WDR49: variants seen among roughly 807,000 people sequenced by gnomAD.
WDR49 encodes WD repeat domain 49, also known as cilia- and flagella-associated protein 337.
A neutral mutation model predicts 119.5 loss-of-function variants in WDR49; 107 were observed. The observed-to-expected ratio is 0.90, with a 90% CI of 0.77 to 1.05. The LOEUF is 1.05. Ranked by LOEUF, WDR49 falls within the 50% of genes least tolerant of loss-of-function variation. The probability of loss-of-function intolerance (pLI) is 0.00; values close to 1 mark genes in which losing one functional copy is unlikely to be tolerated. For missense variants in WDR49, 1,240 were observed against 1,220.5 expected, an observed-to-expected ratio of 1.02 and a Z score of -0.24; for synonymous variants, 425 against 418.8, an observed-to-expected ratio of 1.01 and a Z score of -0.18.
At chr3:167,589,086 C>A (rs1234684436) in intron 7 of WDR49, among the ~76,000 whole-genome samples, 2 of 152,070 alleles carry the variant, frequency 1.3e-5, no homozygotes, top group African/African-American at 4.8e-5. Context: ...AGATTTAAAT[C>A]TATAATCAAT....
rs57955643 is a variant in WDR49 at position 167,573,391 on chromosome 3, T to TACACACACACACACAC, written c.1509+2511_1509+2526dup. Among the ~76,000 whole-genome samples, 228 of 142,356 alleles carry TACACACACACACACAC rather than the reference T, an allele frequency of 1.6e-3. 1 individual carries two copies. The highest frequency in any genetic ancestry group is 5.7e-3 in the African/African-American group (222 of 38,862). The allele number at this position is 142,356 out of a possible 152,430, so 93.4% of individuals were successfully genotyped here. On this transcript the variant is annotated intron_variant, in intron 8 of 18. Transcript: ENST00000682715. ...AGAATCCAAATAGCTTTATGTGGAA[T>TACACACACACACACAC]ACACACACACACACACACACACACA...
At chr3:167,517,630 A>G (rs139313166) in intron 16 of WDR49, among the ~76,000 whole-genome samples, 145 of 152,306 alleles carry the variant, frequency 9.5e-4, no homozygotes, top group African/African-American at 3.2e-3. Context: ...TCAAGATGAA[A>G]ACATCAAAAG....
intron 8 of WDR49, among the ~76,000 whole-genome samples, chr3:167,561,527 T>C (rs1022183385): frequency 6.6e-6 from 1 of 152,072 alleles, no homozygotes; most frequent in African/African-American, 2.4e-5. Context: ...ATGTTTCAAG[T>C]TTAGAGGAAT....
rs1455971440 is a variant in WDR49 at position 167,576,008 on chromosome 3, T to C, written c.1419A>G (p.Ala473=). 1 of 1,614,136 alleles carries C rather than the reference T, an allele frequency of 6.2e-7. No homozygotes were observed. Residue 473 remains alanine, a synonymous_variant, in exon 8 of 19, where the codon GCA becomes GCG. Transcript: ENST00000682715. The part of the protein sequence containing the change: ...RLFISFNNQL[A]LLAMKSEASK... ...TGGCTTCACTTTTCATTGCCAACAA[T>C]GCTAGCTGGTTATTAAACGAGATGA...
At position 167,646,055 on chromosome 3, in the gene WDR49, C is replaced by T. The variant is rs371757531; in HGVS notation, c.165+7206G>A. On this transcript the variant is annotated intron_variant, in intron 2 of 18. Transcript: ENST00000682715. ...GAGAGAAATATTCCAAACTGAGGCACCAGCATCTGGTAGGCCCTAAAACAG... is the reference window on the plus strand; with the variant it reads ...GAGAGAAATATTCCAAACTGAGGCATCAGCATCTGGTAGGCCCTAAAACAG... Among the ~76,000 whole-genome samples, 7 of 152,230 alleles carry T rather than the reference C, an allele frequency of 4.6e-5. No individual in the cohort carries two copies. In the South Asian group the frequency reaches 6.2e-4, roughly 14 times the overall value.
In WDR49 at chr3:167,527,867, T is replaced by C. The variant is rs149865236; in HGVS notation, c.2557A>G (p.Ile853Val). ...LIISSSADCS[I>V]CVTGVCNAPV... The stretch of plus-strand genomic sequence containing the variant: ...GCATTGCAGACACCAGTCACACAAA[T>C]ACTGCAGTCTGCAGAGGAGGAGATA... Residue 853 changes from isoleucine to valine, a missense_variant, in exon 15 of 19, where the codon ATT becomes GTT. Transcript: ENST00000682715. 43 of 1,613,054 alleles carry C rather than the reference T, an allele frequency of 2.7e-5. No individual in the cohort carries two copies. In the African/African-American group the frequency reaches 5.2e-4, roughly 20 times the overall value.
intron 18 of WDR49, among the ~76,000 whole-genome samples, chr3:167,494,822 G>T (rs1751287314): frequency 6.6e-6 from 1 of 152,120 alleles, no homozygotes. Flanking sequence ...ACTGTGGATT[G>T]GACTGAAAAT....
chr3:167,624,636 A>G (rs1191361647), intron 3 of WDR49, among the ~76,000 whole-genome samples: 9 of 152,064 alleles, frequency 5.9e-5, no homozygotes, highest in Non-Finnish European at 1.3e-4. Flanking sequence ...ATTTCAATAA[A>G]CCTATTTTAA....
chr3:167,490,764 C>A (rs932356668), intron 18 of WDR49, among the ~76,000 whole-genome samples: 3 of 151,930 alleles, frequency 2.0e-5, no homozygotes, highest in Non-Finnish European at 4.4e-5. Context: ...TATTTTTGCC[C>A]CTCTTTTCAA....
chr3:167,646,603 C>T (rs1196091870), intron 2 of WDR49, among the ~76,000 whole-genome samples: 1 of 152,126 alleles, frequency 6.6e-6, no homozygotes, highest in Non-Finnish European at 1.5e-5. Flanking sequence ...ATGGCTGGTG[C>T]TTGTGAGGAA....
intron 5 of WDR49, among the ~76,000 whole-genome samples, chr3:167,619,975 A>G (rs990730526): frequency 6.6e-6 from 1 of 152,092 alleles, no homozygotes; most frequent in Non-Finnish European, 1.5e-5. Context: ...CATCAAAAAA[A>G]AAAAGAGAAG....
rs546314171 is a variant in WDR49, at chr3:167,573,817, C to T, written c.1509+2101G>A. On this transcript the variant is annotated intron_variant, in intron 8 of 18. Coordinates refer to ENST00000682715, the MANE Select transcript of WDR49 (RefSeq NM_001366157.1). ...TCAATATGCTCCTAAGATCCCTTTA[C>T]TGCTTTAACTCCCACGATGTCTGCA... 6.6e-5 allele frequency among the ~76,000 whole-genome samples: 10 copies of T among 152,288 alleles called. No homozygotes were observed. In the South Asian group the frequency reaches 1.9e-3, roughly 28 times the overall value.
intron 16 of WDR49, 101 bp downstream of exon 16, chr3:167,522,214 C>T: frequency 8.4e-7 from 1 of 1,189,998 alleles, no homozygotes; most frequent in Non-Finnish European, 1.1e-6. Context: ...TTGAGGTAGT[C>T]ATTGAACATT....
chr3:167,645,303 C>G (rs1430793638), intron 2 of WDR49, among the ~76,000 whole-genome samples: 1 of 151,960 alleles, frequency 6.6e-6, no homozygotes, highest in Non-Finnish European at 1.5e-5. Flanking sequence ...CTTCACCTCC[C>G]GGGTTCAAGC....
At chr3:167,595,844 G>A (rs1272925357) in intron 7 of WDR49, among the ~76,000 whole-genome samples, 1 of 151,528 alleles carries the variant, frequency 6.6e-6, no homozygotes, top group African/African-American at 2.4e-5. Context: ...AAAAGCAATG[G>A]CAACAAAAGC....
At chr3:167,606,567 T>C (rs1716075675) in intron 5 of WDR49, among the ~76,000 whole-genome samples, 1 of 152,186 alleles carries the variant, frequency 6.6e-6, no homozygotes, top group Non-Finnish European at 1.5e-5. Context: ...ATATTGCTAA[T>C]AGCAGAACAC....
Position 167,529,199 on chromosome 3 carries a change from G to T in WDR49, c.2259C>A (p.Val753=). Residue 753 remains valine, a synonymous_variant, in exon 14 of 19, where the codon GTC becomes GTA. Coordinates refer to ENST00000682715, the MANE Select transcript of WDR49 (RefSeq NM_001366157.1). ...NLVSCGGSGY[V]RFWDIYKKQL... is the part of the protein sequence containing the mutation. ...GCTTCTTATATATATCCCAAAATCTGACATAACCAGATCCTCCACATGATA... is the reference window on the plus strand; with the variant it reads ...GCTTCTTATATATATCCCAAAATCTTACATAACCAGATCCTCCACATGATA... The T allele has an allele frequency of 6.2e-7, 1 of 1,608,478 alleles. No individual in the cohort carries two copies. The highest frequency in any genetic ancestry group is 8.5e-7 in the Non-Finnish European group (1 of 1,178,132).
rs1250184487 is a variant in WDR49, at chr3:167,536,930, T to C, written c.1894A>G (p.Ile632Val). ...CACAAGATGTCATCATGGTGCTGTA[T>C]ACCTCCTTTCCATTCTTCAGGCTGG... ...FIQPEEWKGG[I>V]QHHDDILCAA... The change falls in exon 11 of 19, where the codon ATA (isoleucine) becomes GTA (valine). Residue 632 changes from isoleucine to valine, a missense_variant. By Grantham distance (29) the Ile-to-Val change is conservative. Transcript: ENST00000682715. The C allele has an allele frequency of 6.3e-7, 1 of 1,589,422 alleles. No homozygotes were observed. Among genetic ancestry groups the C allele is most frequent in the African/African-American group, 1.4e-5 (1 of 73,518 alleles).
chr3:167,646,332 A>G (rs772441820), intron 2 of WDR49, among the ~76,000 whole-genome samples: 12 of 152,074 alleles, frequency 7.9e-5, no homozygotes, highest in Non-Finnish European at 1.6e-4. Context: ...GAAGAGAAAT[A>G]TTTTCTGCTA....
Sources: allele counts gnomAD v4.1 joint callset (sites outside exome capture counted in the v4.1 genomes callset), GRCh38; gene constraint gnomAD v4.1.1; transcripts MANE v1.5; gene names NCBI Gene and HGNC (gene_info 2026-07-23, HGNC 2026-07-21).